Variants in TMEM178A observed in about 807,000 individuals in gnomAD.
TMEM178A encodes the protein transmembrane protein 178A, also known as transmembrane protein 178.
Under a neutral mutation model 29.1 loss-of-function variants are expected in TMEM178A, and 12 were observed. That is an observed-to-expected ratio of 0.41 (90% confidence interval 0.26 to 0.67). The LOEUF (loss-of-function observed/expected upper bound fraction) is 0.67. Ranked by LOEUF, TMEM178A falls within the 30% of genes least tolerant of loss-of-function variation. TMEM178A has a pLI of 0.29. For missense variants in TMEM178A, 366 were observed against 419.1 expected, an observed-to-expected ratio of 0.87 and a Z score of 1.11; for synonymous variants, 210 against 187.2, an observed-to-expected ratio of 1.12 and a Z score of -0.99.
intron 1 of TMEM178A, among the ~76,000 whole-genome samples, chr2:39,667,026 T>TGGCTGGTGGA (rs369464739): frequency 6.6e-6 from 1 of 152,180 alleles, no homozygotes; most frequent in South Asian, 2.1e-4. Context: ...GACCAATCGT[T>TGGCTGGTGGA]GGCTGGTGGA....
chr2:39,666,116 G>A lies in TMEM178A; in HGVS notation c.142G>A (p.Ala48Thr), dbSNP rs1380391934. The A allele has an allele frequency of 1.3e-6, 2 of 1,553,982 alleles. No individual in the cohort carries two copies. Among genetic ancestry groups the A allele is most frequent in the South Asian group, 1.2e-5 (1 of 84,682 alleles). ...CAAGGAGAGCTGCGAGCGCAGCCGC[G>A]CGGGCGCCGACCCCCCGGACCAGAA... is the stretch of plus-strand genomic sequence containing the variant. Reference protein sequence around the residue: ...RHKESCERSRAGADPPDQKNR... With the variant: ...RHKESCERSRTGADPPDQKNR... Residue 48 changes from alanine to threonine, a missense_variant, in exon 1 of 4, where the codon GCG becomes ACG. Coordinates refer to ENST00000281961, the MANE Select transcript of TMEM178A (RefSeq NM_152390.3).
At chr2:39,711,193 G>C (rs1420966302) in intron 3 of TMEM178A, among the ~76,000 whole-genome samples, 2 of 152,220 alleles carry the variant, frequency 1.3e-5, no homozygotes, top group African/African-American at 4.8e-5. Context: ...CCAGCTTTAA[G>C]CTTCTGCCCA....
At chr2:39,735,952 A>C in the TMEM178A span, 1 of 152,254 alleles carries the variant, frequency 6.6e-6, no homozygotes, top group Admixed American at 6.5e-5. Flanking sequence ...GCTGATTCAC[A>C]GGGTGGAAAA....
At position 39,667,400 on chromosome 2, in the gene TMEM178A, T is replaced by G. The variant is rs13385471; in HGVS notation, c.400+1026T>G. 9.1e-3 allele frequency among the ~76,000 whole-genome samples: 1,377 copies of G among 151,658 alleles called. 27 individuals carry two copies. Among genetic ancestry groups the G allele is most frequent in the African/African-American group, 0.032 (1,316 of 41,264 alleles). On this transcript the variant is annotated intron_variant, in intron 1 of 3. Transcript: ENST00000281961. ...ATTCAGTGTGACAACTTGTGAAGCT[T>G]CCTTTAACTTTCAGAACTTGACTCA...
intron 3 of TMEM178A, among the ~76,000 whole-genome samples, chr2:39,714,840 AAGAT>A (rs1349518441): frequency 2.0e-5 from 3 of 152,226 alleles, no homozygotes; most frequent in Non-Finnish European, 4.4e-5. Flanking sequence ...TATATACAGA[AAGAT>A]AGATACATAG....
At chr2:39,732,434 T>C in the TMEM178A span, among the ~76,000 whole-genome samples, 3 of 152,118 alleles carry the variant, frequency 2.0e-5, no homozygotes, top group African/African-American at 4.8e-5. Flanking sequence ...AATGCTGATA[T>C]ATACCGCTCC....
the TMEM178A span, among the ~76,000 whole-genome samples, chr2:39,726,096 CA>C: frequency 0.027 from 4,150 of 152,304 alleles, 80 homozygotes; most frequent in South Asian, 0.044. Context: ...AATCTTCCTT[CA>C]GGGAAAGATA....
At chr2:39,726,139 G>C in the TMEM178A span, among the ~76,000 whole-genome samples, 1 of 152,192 alleles carries the variant, frequency 6.6e-6, no homozygotes, top group African/African-American at 2.4e-5. Context: ...GTCTGTCTCA[G>C]AGAGACAGAC....
At chr2:39,732,915 C>G in the TMEM178A span, among the ~76,000 whole-genome samples, 19 of 152,214 alleles carry the variant, frequency 1.2e-4, no homozygotes, top group African/African-American at 3.4e-4. Flanking sequence ...CCGTGCCTTT[C>G]TTAGTGTTGG....
the TMEM178A span, among the ~76,000 whole-genome samples, chr2:39,727,324 A>G: frequency 1.3e-5 from 2 of 152,232 alleles, no homozygotes; most frequent in Non-Finnish European, 2.9e-5. Flanking sequence ...AAAGAAGCAA[A>G]TGAACAAATG....
chr2:39,696,983 G>A (rs1671571885), intron 1 of TMEM178A, among the ~76,000 whole-genome samples: 1 of 152,036 alleles, frequency 6.6e-6, no homozygotes, highest in African/African-American at 2.4e-5. Flanking sequence ...CATGCTTTTT[G>A]TGTTCCTTTT....
chr2:39,675,747 T>C (rs745904639), intron 1 of TMEM178A, among the ~76,000 whole-genome samples: 28 of 152,160 alleles, frequency 1.8e-4, no homozygotes, highest in Admixed American at 1.8e-3. Flanking sequence ...CATCCATACA[T>C]GCAGTCTTCT....
intron 3 of TMEM178A, among the ~76,000 whole-genome samples, chr2:39,715,425 C>A (rs1672493426): frequency 2.0e-5 from 3 of 152,016 alleles, no homozygotes; most frequent in Admixed American, 6.6e-5. Context: ...TTGTGTAGAT[C>A]TAAGAACATT....
In TMEM178A at chr2:39,715,791, A is replaced by G. The variant is rs184187785; in HGVS notation, c.653-1219A>G. Among the ~76,000 whole-genome samples the G allele has an allele frequency of 3.0e-3, 455 of 152,320 alleles. 2 individuals are homozygous for G. Among genetic ancestry groups the G allele is most frequent in the African/African-American group, 2.5e-3 (103 of 41,578 alleles). ...AGAATTCTAACATTTTAAAGATGGC[A>G]TTAAGGTGGTCTTTATTTCCTCCAA... On this transcript the variant is annotated intron_variant, in intron 3 of 3. Transcript: ENST00000281961.
intron 1 of TMEM178A, among the ~76,000 whole-genome samples, chr2:39,683,816 C>T (rs1254623894): frequency 1.3e-5 from 2 of 152,288 alleles, no homozygotes; most frequent in Non-Finnish European, 2.9e-5. Context: ...CTAATATCAG[C>T]CCCCTCCTGA....
At chr2:39,697,244 C>A (rs933695913) in intron 1 of TMEM178A, among the ~76,000 whole-genome samples, 25 of 152,208 alleles carry the variant, frequency 1.6e-4, no homozygotes, top group African/African-American at 5.8e-4. Flanking sequence ...CAGGTCTTTC[C>A]CTGTAAGATT....
chr2:39,687,480 C>T (rs1335909831), intron 1 of TMEM178A: 2 of 167,022 alleles, frequency 1.2e-5, no homozygotes, highest in South Asian at 2.1e-4. Flanking sequence ...GTCTAGGGCT[C>T]TGAGGTTATA....
chr2:39,672,614 T>C (rs747988755), intron 1 of TMEM178A, among the ~76,000 whole-genome samples: 8 of 152,158 alleles, frequency 5.3e-5, no homozygotes, highest in Admixed American at 6.5e-5. Flanking sequence ...CAGCTTTGAA[T>C]TGGGCTCAGG....
At chr2:39,703,570 C>A (rs1158803895) in intron 1 of TMEM178A, among the ~76,000 whole-genome samples, 1 of 152,216 alleles carries the variant, frequency 6.6e-6, no homozygotes, top group Non-Finnish European at 1.5e-5. Flanking sequence ...ATGATATCAG[C>A]TGCACTAGAG....
Sources: allele counts gnomAD v4.1 joint callset (sites outside exome capture counted in the v4.1 genomes callset), GRCh38; gene constraint gnomAD v4.1.1; transcripts MANE v1.5; gene names NCBI Gene and HGNC (gene_info 2026-07-23, HGNC 2026-07-21).